The following NKAIN2 variants were observed in gnomAD, a reference collection of about 807,000 sequenced individuals.
NKAIN2 encodes the protein sodium/potassium-transporting ATPase subunit beta-1-interacting protein 2.
Under a neutral mutation model 32.6 loss-of-function variants are expected in NKAIN2, and 14 were observed. That is an observed-to-expected ratio of 0.43 (90% CI 0.28 to 0.67). The LOEUF (loss-of-function observed/expected upper bound fraction) is 0.67. NKAIN2 is among the 30% of genes least tolerant of loss of function. The pLI is 0.17. For missense variants in NKAIN2, 198 were observed against 258.3 expected, an observed-to-expected ratio of 0.77 and a Z score of 1.60; for synonymous variants, 80 against 87.2, an observed-to-expected ratio of 0.92 and a Z score of 0.46.
rs142305482 is a variant in NKAIN2, at chr6:124,199,397, C to T, written c.55-83608C>T. The stretch of plus-strand genomic sequence containing the variant: ...TGCAGTAGATTTCTCCTCTGGAATG[C>T]ACATTCAGTTTTCTGCTTCAAGGAT... On this transcript the variant is annotated intron_variant, in intron 1 of 6. Coordinates refer to ENST00000368417, the MANE Select transcript of NKAIN2 (RefSeq NM_001040214.3). Among the ~76,000 whole-genome samples, 32 of 152,278 alleles carry T rather than the reference C, an allele frequency of 2.1e-4. No individual in the cohort carries two copies. In the East Asian group the frequency reaches 5.0e-3, roughly 24 times the overall value.
At chr6:124,745,536 A>G (rs1452103957) in intron 4 of NKAIN2, among the ~76,000 whole-genome samples, 1 of 151,948 alleles carries the variant, frequency 6.6e-6, no homozygotes, top group Non-Finnish European at 1.5e-5. Context: ...CTAAACAAAA[A>G]TTATTATGAA....
intron 1 of NKAIN2, among the ~76,000 whole-genome samples, chr6:124,107,347 G>T (rs997005416): frequency 1.3e-5 from 2 of 152,118 alleles, no homozygotes; most frequent in African/African-American, 4.8e-5. Context: ...CTAGTTGATA[G>T]GGTAGAAAAC....
chr6:124,691,782 C>T (rs896954786), intron 4 of NKAIN2, among the ~76,000 whole-genome samples: 2 of 152,138 alleles, frequency 1.3e-5, no homozygotes, highest in Non-Finnish European at 2.9e-5. Flanking sequence ...GAGGCCCTCT[C>T]TCACACCACC....
At chr6:124,218,315 C>G (rs1473380990) in intron 1 of NKAIN2, among the ~76,000 whole-genome samples, 1 of 152,004 alleles carries the variant, frequency 6.6e-6, no homozygotes, top group Non-Finnish European at 1.5e-5. Flanking sequence ...TAAAAGTAAT[C>G]TGTAAATTAA....
chr6:124,005,221 T>G (rs1780029790), intron 1 of NKAIN2, among the ~76,000 whole-genome samples: 1 of 152,060 alleles, frequency 6.6e-6, no homozygotes, highest in Non-Finnish European at 1.5e-5. Context: ...TGAGACTCCA[T>G]CTCAAAAAAC....
At chr6:124,632,517 C>T (rs1417520084) in intron 3 of NKAIN2, among the ~76,000 whole-genome samples, 1 of 152,040 alleles carries the variant, frequency 6.6e-6, no homozygotes, top group South Asian at 2.1e-4. Context: ...TTCTATTTTT[C>T]CTTATACTTC....
chr6:124,365,185 T>A (rs2114297507), intron 3 of NKAIN2, among the ~76,000 whole-genome samples: 1 of 151,910 alleles, frequency 6.6e-6, no homozygotes, highest in Middle Eastern at 3.5e-3. Flanking sequence ...TAATCTTAAA[T>A]ATATCAATAA....
At position 124,355,356 on chromosome 6, in the gene NKAIN2, C is replaced by T; in HGVS notation, c.273+9C>T. The T allele has an allele frequency of 6.5e-7, 1 of 1,529,428 alleles. No individual in the cohort carries two copies. Among genetic ancestry groups the T allele is most frequent in the Non-Finnish European group, 9.1e-7 (1 of 1,102,770 alleles). 94.7% of individuals were successfully genotyped at this position (1,529,428 alleles called of 1,614,324 possible). A position where few individuals can be genotyped will look rare whatever the true frequency, so the allele number is the denominator to read the frequency against. On this transcript the variant is annotated intron_variant, in intron 3 of 6. Transcript: ENST00000368417. ...CTGGGGACCTCTCAAAGGTAATTTA[C>T]ATCTAATTTGCCTGAGTCATCAGTA...
intron 1 of NKAIN2, among the ~76,000 whole-genome samples, chr6:124,260,592 G>C (rs974559433): frequency 3.9e-5 from 6 of 152,140 alleles, no homozygotes; most frequent in African/African-American, 1.4e-4. Context: ...GTACAGGAGA[G>C]AAGGGGGTGG....
intron 4 of NKAIN2, among the ~76,000 whole-genome samples, chr6:124,713,379 G>A (rs144005887): frequency 1.5e-3 from 225 of 152,306 alleles, no homozygotes; most frequent in African/African-American, 5.1e-3. Context: ...ACAGAGTAGG[G>A]TGGTATGATT....
intron 1 of NKAIN2, among the ~76,000 whole-genome samples, chr6:124,272,146 G>C (rs916203607): frequency 6.6e-6 from 1 of 152,220 alleles, no homozygotes; most frequent in Non-Finnish European, 1.5e-5. Flanking sequence ...ATTTGCATAA[G>C]TAACAAGGAG....
chr6:124,158,580 A>C (rs1186328310), intron 1 of NKAIN2, among the ~76,000 whole-genome samples: 1 of 152,096 alleles, frequency 6.6e-6, no homozygotes, highest in Non-Finnish European at 1.5e-5. Flanking sequence ...GAAGTTTGGC[A>C]CTCATCTTCA....
chr6:124,078,786 T>TGTGTG (rs1783815294), intron 1 of NKAIN2, among the ~76,000 whole-genome samples: 55 of 144,644 alleles, frequency 3.8e-4, no homozygotes, highest in African/African-American at 1.4e-3. Context: ...TATGTCGTTT[T>TGTGTG]TGTGTGTGTG....
intron 1 of NKAIN2, among the ~76,000 whole-genome samples, chr6:124,266,074 G>C (rs930709124): frequency 1.3e-5 from 2 of 152,122 alleles, no homozygotes; most frequent in African/African-American, 4.8e-5. Context: ...CACACCTGAA[G>C]CAAAATATAT....
chr6:124,781,969 TCACTCC>T (rs1779289174), intron 4 of NKAIN2, among the ~76,000 whole-genome samples: 1 of 152,146 alleles, frequency 6.6e-6, no homozygotes, highest in Non-Finnish European at 1.5e-5. Flanking sequence ...TTTCCTACCT[TCACTCC>T]CATTCATCTT....
intron 4 of NKAIN2, among the ~76,000 whole-genome samples, chr6:124,734,031 GTATCT>G (rs1033338921): frequency 6.8e-6 from 1 of 147,318 alleles, no homozygotes; most frequent in Non-Finnish European, 1.5e-5. Context: ...TCAGCTGGGA[GTATCT>G]TATAATACCA....
chr6:124,507,186 C>T (rs929168702), intron 3 of NKAIN2, among the ~76,000 whole-genome samples: 7 of 152,258 alleles, frequency 4.6e-5, no homozygotes, highest in African/African-American at 1.4e-4. Flanking sequence ...CAGCAAAGTA[C>T]GCGAGGGTTT....
At chr6:124,601,718 G>A (rs1218312606) in intron 3 of NKAIN2, among the ~76,000 whole-genome samples, 2 of 152,112 alleles carry the variant, frequency 1.3e-5, no homozygotes, top group East Asian at 3.9e-4. Flanking sequence ...TGTAGAAAAT[G>A]CAAATAATGG....
intron 1 of NKAIN2, among the ~76,000 whole-genome samples, chr6:123,933,647 T>C (rs1180280613): frequency 6.6e-6 from 1 of 152,242 alleles, no homozygotes; most frequent in African/African-American, 2.4e-5. Flanking sequence ...GGTTCTTTGG[T>C]CATTTCTATC....
Sources: gnomAD v4.1 joint callset for allele counts (sites outside exome capture counted in the v4.1 genomes callset) on GRCh38, gnomAD v4.1.1 for gene constraint, MANE v1.5 for transcripts, NCBI Gene and HGNC (gene_info 2026-07-23, HGNC 2026-07-21) for gene names.